AP2A2: variants seen among roughly 807,000 people sequenced by gnomAD.
AP2A2 encodes the protein adaptor related protein complex 2 subunit alpha 2, also known as AP-2 complex subunit alpha-2.
A neutral mutation model predicts 104.2 loss-of-function variants in AP2A2; 32 were observed. The observed-to-expected ratio is 0.31, with a 90% CI of 0.23 to 0.41. The LOEUF (loss-of-function observed/expected upper bound fraction) is 0.41. AP2A2 is among the 10% of genes least tolerant of loss of function. AP2A2 has a pLI of 1.00. For missense variants in AP2A2, 912 were observed against 1,261.0 expected (o/e 0.72, Z 4.19); for synonymous variants, 539 against 533.3 (o/e 1.01, Z -0.15).
At chr11:984,481 C>A (rs763632345) in intron 6 of AP2A2, among the ~76,000 whole-genome samples, 164 bp from the exon 7 acceptor site, 1 of 152,154 alleles carries the variant, frequency 6.6e-6, no homozygotes, top group Non-Finnish European at 1.5e-5. Context: ...CCTCTCACGG[C>A]GAACCCAGGG....
chr11:944,117 C>T (rs1000608078), intron 1 of AP2A2, among the ~76,000 whole-genome samples: 7 of 152,166 alleles, frequency 4.6e-5, no homozygotes, highest in Non-Finnish European at 5.9e-5. Flanking sequence ...ATAGAGCACT[C>T]GTTTGGAGGA....
At chr11:927,807 C>A (rs2134442740) in intron 1 of AP2A2, among the ~76,000 whole-genome samples, 1 of 119,504 alleles carries the variant, frequency 8.4e-6, no homozygotes, top group East Asian at 2.3e-4. Flanking sequence ...CAGAGTGAGA[C>A]CTTTCTCACA....
Position 937,186 on chromosome 11 carries a change from A to G in AP2A2, c.67+11098A>G, listed in dbSNP as rs191494060. 3.1e-3 allele frequency among the ~76,000 whole-genome samples: 467 copies of G among 151,956 alleles called. 4 individuals are homozygous for G. Among genetic ancestry groups the G allele is most frequent in the African/African-American group, 0.011 (445 of 41,454 alleles). On this transcript the variant is annotated intron_variant, in intron 1 of 21. Coordinates refer to ENST00000448903, the MANE Select transcript of AP2A2 (RefSeq NM_012305.4). ...AGGCGCCCGCCACTATGCCTGCCTAATTTTTGGATCTTGAGTAGAGACGGG... is the reference window on the plus strand; with the variant it reads ...AGGCGCCCGCCACTATGCCTGCCTAGTTTTTGGATCTTGAGTAGAGACGGG...
At position 1,010,704 on chromosome 11, in the gene AP2A2, A is replaced by G. The variant is rs1856398777; in HGVS notation, c.*79A>G. ...GTTTGTCTTCGTGGCCATCCTGCAG[A>G]TGAGCACCGTGTCCAGTGCCACAGC... On this transcript the variant is annotated 3_prime_UTR_variant, in exon 22 of 22. Coordinates refer to ENST00000448903, the MANE Select transcript of AP2A2 (RefSeq NM_012305.4). The G allele has an allele frequency of 4.2e-6, 5 of 1,185,740 alleles. No individual in the cohort carries two copies. Among genetic ancestry groups the G allele is most frequent in the Non-Finnish European group, 6.1e-6 (5 of 815,008 alleles). 73.5% of individuals were successfully genotyped at this position (1,185,740 alleles called of 1,614,324 possible). A position where few individuals can be genotyped will look rare whatever the true frequency, so the allele number is the denominator to read the frequency against.
At chr11:989,007 G>T (rs1366011840) in intron 10 of AP2A2, among the ~76,000 whole-genome samples, 1 of 151,996 alleles carries the variant, frequency 6.6e-6, no homozygotes, top group Non-Finnish European at 1.5e-5. Context: ...AAAAAAATCA[G>T]CATTTTTGGT....
intron 1 of AP2A2, among the ~76,000 whole-genome samples, chr11:939,169 C>T (rs1853562373): frequency 1.3e-5 from 2 of 148,310 alleles, no homozygotes; most frequent in African/African-American, 2.5e-5. Context: ...CAGAATCACT[C>T]GAACCCGGGA....
Position 1,000,717 on chromosome 11 carries a change from C to G in AP2A2, c.2123+119C>G, listed in dbSNP as rs1205163641. ...GCGGAGTTTACCTCCCAGATTACTG[C>G]CTGGGGGAGAGAGCGGGAGCTGCTG... is the stretch of plus-strand genomic sequence containing the variant. On this transcript the variant is annotated intron_variant, in intron 15 of 21. Transcript: ENST00000448903. 14 of 1,133,398 alleles carry G rather than the reference C, an allele frequency of 1.2e-5. No homozygotes were observed. In the South Asian group the frequency reaches 2.2e-4, roughly 18 times the overall value. 70.2% of individuals were successfully genotyped at this position (1,133,398 alleles called of 1,614,324 possible).
At chr11:942,395 G>A (rs1431290223) in intron 1 of AP2A2, 2 of 152,226 alleles carry the variant, frequency 1.3e-5, no homozygotes, top group Admixed American at 6.5e-5. Flanking sequence ...GAACGGTGTG[G>A]TATGTACTTT....
intron 10 of AP2A2, among the ~76,000 whole-genome samples, chr11:991,252 C>T (rs533095022): frequency 2.0e-5 from 3 of 152,378 alleles, no homozygotes; most frequent in African/African-American, 4.8e-5. Flanking sequence ...CTGGACATGG[C>T]CCACTCCCTG....
chr11:935,527 C>G (rs1443954467), intron 1 of AP2A2, among the ~76,000 whole-genome samples: 1 of 151,534 alleles, frequency 6.6e-6, no homozygotes, highest in African/African-American at 2.4e-5. Flanking sequence ...GTCTTGAACT[C>G]CTGACCTCAA....
intron 4 of AP2A2, among the ~76,000 whole-genome samples, chr11:975,831 C>T (rs1169853418): frequency 2.0e-5 from 3 of 152,140 alleles, no homozygotes; most frequent in Non-Finnish European, 4.4e-5. Context: ...ATGGTGGGGT[C>T]CTCGGTCTCC....
intron 1 of AP2A2, among the ~76,000 whole-genome samples, chr11:954,615 A>T (rs10794354): frequency 0.51 from 77,212 of 151,498 alleles, 20,224 homozygotes; most frequent in Middle Eastern, 0.66. Flanking sequence ...ATTTGTGTGT[A>T]TTTGGTTTAT....
chr11:997,376 T>G (rs1183124317), intron 14 of AP2A2, among the ~76,000 whole-genome samples: 4 of 151,978 alleles, frequency 2.6e-5, no homozygotes, highest in Non-Finnish European at 5.9e-5. Flanking sequence ...ACCCCTCAAG[T>G]TGTCCTGCTA....
intron 1 of AP2A2, among the ~76,000 whole-genome samples, chr11:938,010 C>G (rs1267570856): frequency 1.2e-4 from 19 of 152,222 alleles, no homozygotes; most frequent in Admixed American, 1.2e-3. Flanking sequence ...CCAGGTTATG[C>G]TTCTGCCTGG....
At chr11:955,499 C>T (rs1181647327) in intron 1 of AP2A2, among the ~76,000 whole-genome samples, 1 of 152,174 alleles carries the variant, frequency 6.6e-6, no homozygotes, top group Admixed American at 6.5e-5. Context: ...GGGGTCACTG[C>T]TGTGAGCAGC....
At chr11:983,664 G>T (rs6421968) in intron 6 of AP2A2, among the ~76,000 whole-genome samples, 48,035 of 151,960 alleles carry the variant, frequency 0.32, 8,965 homozygotes, top group African/African-American at 0.53. Flanking sequence ...ATTACAGGCG[G>T]GAGCCACCGC....
chr11:930,973 C>G (rs1405950107), intron 1 of AP2A2, among the ~76,000 whole-genome samples: 1 of 152,160 alleles, frequency 6.6e-6, no homozygotes, highest in African/African-American at 2.4e-5. Flanking sequence ...GCACCTGTAG[C>G]TTTGTGTAAC....
chr11:939,360 A>G (rs1015609171), intron 1 of AP2A2, among the ~76,000 whole-genome samples: 46 of 152,020 alleles, frequency 3.0e-4, no homozygotes, highest in African/African-American at 1.0e-3. Flanking sequence ...TTTCTTCTTA[A>G]AAATTTACTT....
chr11:987,568 T>G (rs561031032), intron 9 of AP2A2, among the ~76,000 whole-genome samples: 79 of 151,290 alleles, frequency 5.2e-4, no homozygotes, highest in African/African-American at 1.9e-3. Context: ...GGCAGAAGAA[T>G]GGCTTGAACC....
Sources: gnomAD v4.1 joint callset for allele counts (sites outside exome capture counted in the v4.1 genomes callset) on GRCh38, gnomAD v4.1.1 for gene constraint, MANE v1.5 for transcripts, NCBI Gene and HGNC (gene_info 2026-07-23, HGNC 2026-07-21) for gene names.